The following WDR25 variants were observed in gnomAD, a reference collection of about 807,000 sequenced individuals.
WDR25 encodes WD repeat-containing protein 25.
Under a neutral mutation model 47.7 loss-of-function variants are expected in WDR25, and 35 were observed. The observed-to-expected ratio is 0.73, with a 90% CI of 0.56 to 0.97. The LOEUF is 0.97. Ranked by LOEUF, WDR25 falls within the 50% of genes least tolerant of loss-of-function variation. The probability of loss-of-function intolerance (pLI) is 0.00; values close to 1 mark genes in which losing one functional copy is unlikely to be tolerated. For synonymous variants in WDR25, 248 were observed against 278.9 expected (o/e 0.89, Z 1.10); for missense variants, 634 against 704.7 (o/e 0.90, Z 1.14).
intron 2 of WDR25, among the ~76,000 whole-genome samples, chr14:100,412,206 CAA>C (rs34698940): frequency 6.5e-4 from 35 of 54,180 alleles, no homozygotes; most frequent in Admixed American, 6.0e-4. Flanking sequence ...GACCCTGTCT[CAA>C]AAAAAAAAAA....
intron 2 of WDR25, among the ~76,000 whole-genome samples, chr14:100,433,110 T>C (rs1231427899): frequency 6.6e-6 from 1 of 152,274 alleles, no homozygotes; most frequent in Non-Finnish European, 1.5e-5. Flanking sequence ...TATTATCTAC[T>C]GTACATACCT....
intron 1 of WDR25, among the ~76,000 whole-genome samples, chr14:100,377,330 C>T (rs1896725389): frequency 1.3e-5 from 2 of 148,606 alleles, no homozygotes; most frequent in African/African-American, 2.5e-5. Flanking sequence ...GACCAAGTCT[C>T]GCTCTGTAGC....
chr14:100,420,344 A>G (rs904663327), intron 2 of WDR25, among the ~76,000 whole-genome samples: 4 of 151,832 alleles, frequency 2.6e-5, no homozygotes, highest in Non-Finnish European at 4.4e-5. Flanking sequence ...GGGATTTTTC[A>G]TATATCATTT....
At chr14:100,398,890 C>T (rs987204841) in intron 2 of WDR25, among the ~76,000 whole-genome samples, 3 of 150,698 alleles carry the variant, frequency 2.0e-5, no homozygotes, top group Non-Finnish European at 4.4e-5. Context: ...GAGACCAGAG[C>T]CTTGAAGCTA....
At chr14:100,400,403 C>G (rs1393015269) in intron 2 of WDR25, among the ~76,000 whole-genome samples, 1 of 152,228 alleles carries the variant, frequency 6.6e-6, no homozygotes, top group Non-Finnish European at 1.5e-5. Context: ...GGGTTTGACT[C>G]AGGCCCAGCT....
At chr14:100,433,592 C>G (rs1243112608) in intron 2 of WDR25, among the ~76,000 whole-genome samples, 3 of 152,188 alleles carry the variant, frequency 2.0e-5, no homozygotes, top group Non-Finnish European at 4.4e-5. Flanking sequence ...TGATTCTTAC[C>G]TGAGTCAGTC....
intron 2 of WDR25, among the ~76,000 whole-genome samples, chr14:100,448,451 C>T (rs1205548881): frequency 6.6e-6 from 1 of 152,084 alleles, no homozygotes; most frequent in Non-Finnish European, 1.5e-5. Context: ...TGAGAAGCGC[C>T]CCAGAAAGAG....
Position 100,381,347 on chromosome 14 carries a change from G to T in WDR25, c.423G>T (p.Arg141Ser), listed in dbSNP as rs1358094814. ...AARFKQVKLSRNFPKSSFHAQ... is the reference protein window; with the variant it reads ...AARFKQVKLSSNFPKSSFHAQ... ...GCTTTAAGCAAGTAAAACTCTCCAGGAACTTTCCCAAGTCATCTTTCCATG... is the reference window on the plus strand; with the variant it reads ...GCTTTAAGCAAGTAAAACTCTCCAGTAACTTTCCCAAGTCATCTTTCCATG... The change falls in exon 2 of 7, where the codon AGG becomes AGT. Residue 141 changes from arginine (R) to serine (S), a missense_variant. Physicochemically the swap from Arg to Ser is moderately radical, Grantham distance 110. Transcript: ENST00000402312. 1.3e-5 allele frequency: 21 copies of T among 1,614,088 alleles called. 1 individual carries two copies. In the South Asian group the frequency reaches 2.0e-4, roughly 15 times the overall value.
chr14:100,439,491 A>T (rs770984176), intron 2 of WDR25, among the ~76,000 whole-genome samples: 5 of 152,200 alleles, frequency 3.3e-5, no homozygotes, highest in Non-Finnish European at 7.3e-5. Flanking sequence ...AATTGCCTAG[A>T]TGGAGGGAAG....
intron 2 of WDR25, among the ~76,000 whole-genome samples, chr14:100,434,920 C>A (rs554146505): frequency 2.4e-4 from 37 of 152,294 alleles, no homozygotes; most frequent in African/African-American, 8.4e-4. Flanking sequence ...TTTAACTGTG[C>A]GCCTGAGCAG....
intron 2 of WDR25, among the ~76,000 whole-genome samples, chr14:100,385,777 C>T (rs1318198938): frequency 6.6e-6 from 1 of 152,142 alleles, no homozygotes; most frequent in Non-Finnish European, 1.5e-5. Flanking sequence ...CTTTTCATCT[C>T]CCAGTGAACT....
chr14:100,380,668 A>G (rs1896861549), intron 1 of WDR25, among the ~76,000 whole-genome samples: 1 of 151,134 alleles, frequency 6.6e-6, no homozygotes, highest in South Asian at 2.1e-4. Flanking sequence ...TACTTTTTGT[A>G]TTTTTAGTAG....
intron 4 of WDR25, among the ~76,000 whole-genome samples, chr14:100,494,585 T>C (rs1048534014): frequency 2.0e-5 from 3 of 152,032 alleles, no homozygotes; most frequent in Non-Finnish European, 4.4e-5. Flanking sequence ...GGGAAGTGTC[T>C]TGTGGCTAGG....
intron 2 of WDR25, among the ~76,000 whole-genome samples, chr14:100,399,908 A>G: frequency 6.6e-6 from 1 of 152,248 alleles, no homozygotes; most frequent in Middle Eastern, 3.2e-3. Flanking sequence ...ACTGAGGGAA[A>G]AATACCAGAT....
intron 1 of WDR25, 62 bp from the exon 2 acceptor site, chr14:100,380,848 T>C: frequency 7.0e-7 from 1 of 1,438,062 alleles, no homozygotes; most frequent in East Asian, 2.3e-5. Context: ...ACATGGTTTC[T>C]TATAACTACA....
chr14:100,460,205 TG>T (rs1192760936), intron 2 of WDR25, among the ~76,000 whole-genome samples: 3 of 150,954 alleles, frequency 2.0e-5, no homozygotes, highest in Non-Finnish European at 3.0e-5. Flanking sequence ...CTCCACCTCC[TG>T]GGTTCATGCC....
chr14:100,468,172 C>T lies in WDR25; in HGVS notation c.970+4C>T, dbSNP rs372743834. ...CACCTAACAGACCTTGAAACAGGTG[C>T]GTTTCTTGTGTCACCTCCCTGAGGT... is the stretch of plus-strand genomic sequence containing the variant. On this transcript the variant is annotated splice_donor_region_variant and intron_variant, in intron 3 of 6. Transcript: ENST00000402312. The surrounding 1 kb of genome is among the most constrained non-coding windows in gnomAD (Gnocchi z 4.5). 2.8e-5 allele frequency: 45 copies of T among 1,610,030 alleles called. No homozygotes were observed. The highest frequency in any genetic ancestry group is 3.3e-4 in the Middle Eastern group (2 of 6,050).
rs73349444 is a variant in WDR25, at chr14:100,458,338, G to A, written c.823-9683G>A. On this transcript the variant is annotated intron_variant, in intron 2 of 6. Coordinates refer to ENST00000402312, the MANE Select transcript of WDR25 (RefSeq NM_001161476.3). ...CATCAAAGGACATAACATTAGGTGT[G>A]TAATGTCAGCTGCTTAAACATTAGG... Among the ~76,000 whole-genome samples, 3 of 152,310 alleles carry A rather than the reference G, an allele frequency of 2.0e-5. No homozygotes were observed. In the East Asian group the frequency reaches 5.8e-4, roughly 29 times the overall value.
chr14:100,376,877 TCCCACCCGTTTGCATTC>T, intron 1 of WDR25: 6 of 622,846 alleles, frequency 9.6e-6, no homozygotes, highest in Middle Eastern at 1.1e-3. Context: ...CATCTCCCCC[TCCCACCCGTTTGCATTC>T]CAGAAATATT....
Sources: allele counts gnomAD v4.1 joint callset (sites outside exome capture counted in the v4.1 genomes callset), GRCh38; gene constraint gnomAD v4.1.1; non-coding constraint Gnocchi (gnomAD v3.1); transcripts MANE v1.5; gene names NCBI Gene and HGNC (gene_info 2026-07-23, HGNC 2026-07-21).